The following SLC6A8 variants were observed in gnomAD, a reference collection of about 807,000 sequenced individuals.
The protein encoded by SLC6A8 is solute carrier family 6 member 8.
Under a neutral mutation model 48.3 loss-of-function variants are expected in SLC6A8, and 6 were observed. That is an observed-to-expected ratio of 0.12 (90% confidence interval 0.07 to 0.25). The LOEUF is 0.25. Among genes scored for constraint, SLC6A8 ranks in the 10% least tolerant of loss-of-function variants. The pLI, the probability that SLC6A8 is intolerant of heterozygous loss-of-function variation, is 1.00. For missense variants in SLC6A8, 260 were observed against 551.5 expected (o/e 0.47, Z 5.29); for synonymous variants, 245 against 244.0 (o/e 1.00, Z -0.04).
intron 4 of SLC6A8, chrX:153,692,536 G>GACA (rs782076776): frequency 4.7e-5 from 16 of 339,624 alleles, no homozygotes; most frequent in South Asian, 3.9e-4. Flanking sequence ...CTCCCTGGGG[G>GACA]ACAAGGTCCC....
Position 153,695,338 on chromosome X carries a change from G to C in SLC6A8, c.*124G>C, listed in dbSNP as rs1461000716. On this transcript the variant is annotated 3_prime_UTR_variant, in exon 13 of 13. Coordinates refer to ENST00000253122, the MANE Select transcript of SLC6A8 (RefSeq NM_005629.4). ...TTTGGGGTCTGCCTGGGGGAGGAGGGGAGAAAGCACCATGAGTGCTCACTA... is the reference window on the plus strand; with the variant it reads ...TTTGGGGTCTGCCTGGGGGAGGAGGCGAGAAAGCACCATGAGTGCTCACTA... The C allele has an allele frequency of 1.4e-6, 1 of 729,994 alleles. No homozygotes were observed. Among genetic ancestry groups the C allele is most frequent in the Non-Finnish European group, 2.1e-6 (1 of 480,510 alleles). 60.2% of individuals were successfully genotyped at this position (729,994 alleles called of 1,213,427 possible).
In SLC6A8 at chrX:153,694,246, C is replaced by T. The variant is rs3179358; in HGVS notation, c.1371C>T (p.Ile457=). 9.9e-6 allele frequency: 12 copies of T among 1,211,329 alleles called. No homozygotes were observed. The highest frequency in any genetic ancestry group is 3.5e-5 in the South Asian group (2 of 56,947). Residue 457 remains isoleucine, a synonymous_variant, in exon 9 of 13, where the codon ATC becomes ATT. Coordinates refer to ENST00000253122, the MANE Select transcript of SLC6A8 (RefSeq NM_005629.4). ...TCTGTTGTGCCCTCTGCTTTGTCAT[C>T]GATCTCTCCATGGTGACTGATGTGA... ...VALCCALCFV[I]DLSMVTDGGM... is the part of the protein sequence containing the mutation.
chrX:153,689,941 C>T (rs1275417430), intron 1 of SLC6A8, among the ~76,000 whole-genome samples: 4 of 112,677 alleles, frequency 3.5e-5, no homozygotes, highest in Admixed American at 9.3e-5. Context: ...GCAGGACAGT[C>T]GCGCTCCCTG....
chrX:153,693,119 C>T lies in SLC6A8; in HGVS notation c.856C>T (p.Leu286=), dbSNP rs782005985. ...GCGTGGAGTGCTGCTGCCTGGCGCC[C>T]TGGATGGCATCATTTACTATCTCAA... ...LVRGVLLPGA[L]DGIIYYLKPD... Residue 286 remains leucine (L), a synonymous_variant, in exon 5 of 13, where the codon CTG becomes TTG. Transcript: ENST00000253122. The T allele has an allele frequency of 8.2e-5, 99 of 1,209,213 alleles. No individual in the cohort carries two copies. The highest frequency in any genetic ancestry group is 2.5e-4 in the Middle Eastern group (1 of 3,994).
chrX:153,689,638 G>C (rs1309958039), intron 1 of SLC6A8: 2 of 581,566 alleles, frequency 3.4e-6, no homozygotes, highest in Non-Finnish European at 4.1e-6. Flanking sequence ...GTAGTGGAGC[G>C]AGCCCAGCCA....
intron 4 of SLC6A8, chrX:153,692,540 A>G (rs781927018): frequency 1.7e-4 from 56 of 337,425 alleles, no homozygotes; most frequent in Non-Finnish European, 3.0e-4. Flanking sequence ...CTGGGGGACA[A>G]GGTCCCCAGA....
rs782810502 is a variant in SLC6A8, at chrX:153,693,244, C to T, written c.913-19C>T. ...GCCCTGCAGGCCCCTCATGCCTGCGCTCTCCGGCCCTTCTCTAGGTGTGGA... is the reference window on the plus strand; with the variant it reads ...GCCCTGCAGGCCCCTCATGCCTGCGTTCTCCGGCCCTTCTCTAGGTGTGGA... On this transcript the variant is annotated intron_variant, in intron 5 of 12. Coordinates refer to ENST00000253122, the MANE Select transcript of SLC6A8 (RefSeq NM_005629.4). The T allele has an allele frequency of 4.1e-6, 5 of 1,207,107 alleles. No homozygotes were observed. The Admixed American group carries it at 6.5e-5, about 16-fold the overall frequency.
chrX:153,690,719 G>A (rs1557044243), intron 2 of SLC6A8: 1 of 436,990 alleles, frequency 2.3e-6, no homozygotes, highest in African/African-American at 2.4e-5. Flanking sequence ...GGCAAGGACA[G>A]GCCAGGCATA....
rs182984520 is a variant in SLC6A8, at chrX:153,693,378, C to G, written c.1016+12C>G. 1 of 1,205,023 alleles carries G rather than the reference C, an allele frequency of 8.3e-7. No individual in the cohort carries two copies. The highest frequency in any genetic ancestry group is 1.8e-5 in the South Asian group (1 of 56,858). ...AACAACTGCTACAAGTAAGCACCGCCGCCCTGCCACCCGTGCCCTGTCCTG... is the reference window on the plus strand; with the variant it reads ...AACAACTGCTACAAGTAAGCACCGCGGCCCTGCCACCCGTGCCCTGTCCTG... On this transcript the variant is annotated intron_variant, in intron 6 of 12. Coordinates refer to ENST00000253122, the MANE Select transcript of SLC6A8 (RefSeq NM_005629.4).
rs781799320 is a variant in SLC6A8, at chrX:153,690,674, A to AG, written c.394+169dup. ...TCAGGCCGCACAGCGAACTTGGGGA[A>AG]GCGGGGACTAGAGGGGGCATAGGCA... On this transcript the variant is annotated intron_variant, in intron 2 of 12. Transcript: ENST00000253122. 505 of 551,938 alleles carry AG rather than the reference A, an allele frequency of 9.1e-4. 1 individual carries two copies. The highest frequency in any genetic ancestry group is 1.2e-3 in the Non-Finnish European group (418 of 340,301). The allele number at this position is 551,938 out of a possible 1,213,427, so 45.5% of individuals were successfully genotyped here. A position where few individuals can be genotyped will look rare whatever the true frequency, so the allele number is the denominator to read the frequency against.
chrX:153,690,896 C>CCA (rs1557044303), intron 2 of SLC6A8: 9 of 235,963 alleles, frequency 3.8e-5, no homozygotes, highest in Middle Eastern at 1.4e-3. Flanking sequence ...CTAGAAACCC[C>CCA]CCCCCCCCAC....
intron 6 of SLC6A8, 46 bp from the exon 7 acceptor site, chrX:153,693,416 C>T (rs374826744): frequency 1.9e-4 from 228 of 1,208,242 alleles, no homozygotes; most frequent in Middle Eastern, 6.9e-4. Flanking sequence ...CTGCCCCGCC[C>T]TGCCCAGCAG....
At chrX:153,694,051 G>C in intron 8 of SLC6A8, 34 bp downstream of exon 8, 1 of 1,185,012 alleles carries the variant, frequency 8.4e-7, no homozygotes, top group African/African-American at 1.7e-5. Flanking sequence ...GGAGCCAGGA[G>C]GGGGGCGGAG....
chrX:153,694,212 C>A lies in SLC6A8; in HGVS notation c.1337C>A (p.Ser446Tyr). Reference protein sequence around the residue: ...SYYFRFQREISVALCCALCFV... With the variant: ...SYYFRFQREIYVALCCALCFV... ...TACTTCCGTTTCCAAAGGGAGATCTCTGTGGCCCTCTGTTGTGCCCTCTGC... is the reference window on the plus strand; with the variant it reads ...TACTTCCGTTTCCAAAGGGAGATCTATGTGGCCCTCTGTTGTGCCCTCTGC... Residue 446 changes from serine to tyrosine, a missense_variant, in exon 9 of 13, where the codon TCT becomes TAT. Coordinates refer to ENST00000253122, the MANE Select transcript of SLC6A8 (RefSeq NM_005629.4). 1 of 1,211,068 alleles carries A rather than the reference C, an allele frequency of 8.3e-7. No individual in the cohort carries two copies. Among genetic ancestry groups the A allele is most frequent in the Non-Finnish European group, 1.1e-6 (1 of 894,925 alleles).
chrX:153,691,524 C>A lies in SLC6A8; in HGVS notation c.615C>A (p.Asp205Glu). The change falls in exon 3 of 13, where the codon GAC becomes GAA. Residue 205 changes from aspartate (D) to glutamate (E), a missense_variant. Transcript: ENST00000253122. ...ACCTCACCTGTGACCAGCTTGCTGA[C>A]CGCCGGTCCCCTGTCATCGAGTTCT... ...LANLTCDQLA[D>E]RRSPVIEFWE... The A allele has an allele frequency of 8.3e-7, 1 of 1,211,815 alleles. No homozygotes were observed. Among genetic ancestry groups the A allele is most frequent in the Non-Finnish European group, 1.1e-6 (1 of 895,328 alleles).
At chrX:153,691,159 G>C in intron 2 of SLC6A8, 145 bp from the exon 3 acceptor site, 2 of 640,108 alleles carry the variant, frequency 3.1e-6, no homozygotes, top group Middle Eastern at 4.8e-4. Context: ...ACACAAGGGG[G>C]AGCCCAGGGG....
chrX:153,694,079 G>C, intron 8 of SLC6A8, 51 bp from the exon 9 acceptor site: 1 of 1,202,944 alleles, frequency 8.3e-7, no homozygotes, highest in Non-Finnish European at 1.1e-6. Flanking sequence ...TGCAGGCAAG[G>C]AAAGGGGTGG....
Position 153,695,075 on chromosome X carries a change from G to A in SLC6A8, c.1769G>A (p.Arg590His). The A allele has an allele frequency of 1.7e-6, 2 of 1,202,036 alleles. No homozygotes were observed. The highest frequency in any genetic ancestry group is 2.2e-6 in the Non-Finnish European group (2 of 890,454). ...LLRAKGTMAERWQHLTQPIWG... is the reference protein window; with the variant it reads ...LLRAKGTMAEHWQHLTQPIWG... ...TCAGCATGTCCTCCTCTCCTGCAGC[G>A]CTGGCAGCACCTGACCCAGCCCATC... The change falls in exon 13 of 13, where the codon CGC (arginine) becomes CAC (histidine). Residue 590 changes from arginine (R) to histidine (H), a missense_variant and splice_region_variant. Transcript: ENST00000253122.
rs148232368 is a variant in SLC6A8, at chrX:153,693,043, C to T, written c.780C>T (p.Ile260=). ...VWKGVKSTGK[I]VYFTATFPYV... is the part of the protein sequence containing the mutation. The stretch of plus-strand genomic sequence containing the variant: ...CGCTGAGCAGCCTGGCCCCCCAGAT[C>T]GTGTACTTCACTGCTACATTCCCCT... Residue 260 remains isoleucine (I), a splice_region_variant and synonymous_variant, in exon 5 of 13, where the codon ATC becomes ATT. Transcript: ENST00000253122. 398 of 1,209,720 alleles carry T rather than the reference C, an allele frequency of 3.3e-4. 1 individual carries two copies. In the African/African-American group the frequency reaches 5.8e-3, roughly 17 times the overall value.
Sources: gnomAD v4.1 joint callset for allele counts (sites outside exome capture counted in the v4.1 genomes callset) on GRCh38, gnomAD v4.1.1 for gene constraint, MANE v1.5 for transcripts, NCBI Gene and HGNC (gene_info 2026-07-23, HGNC 2026-07-21) for gene names.